Variants in PHF21B observed in about 807,000 individuals in gnomAD.
PHF21B encodes PHD finger protein 4.
In PHF21B, 22 loss-of-function variants were observed where a neutral mutation model predicts 62.2. That is an observed-to-expected ratio of 0.35 (90% CI 0.25 to 0.51). The LOEUF is 0.51. Among genes scored for constraint, PHF21B ranks in the 20% least tolerant of loss-of-function variants. The probability of loss-of-function intolerance (pLI) is 0.97; values close to 1 mark genes in which losing one functional copy is unlikely to be tolerated. For synonymous variants in PHF21B, 341 were observed against 314.7 expected (o/e 1.08, Z -0.88); for missense variants, 701 against 707.9 (o/e 0.99, Z 0.11).
chr22:44,949,288 C>G (rs1356366711), intron 2 of PHF21B, among the ~76,000 whole-genome samples: 1 of 120,056 alleles, frequency 8.3e-6, no homozygotes, highest in East Asian at 2.4e-4. Context: ...GTAACAAGAG[C>G]GAAACTCCAT....
chr22:44,911,637 C>T (rs999851464), intron 5 of PHF21B, among the ~76,000 whole-genome samples: 7 of 152,224 alleles, frequency 4.6e-5, no homozygotes, highest in Non-Finnish European at 1.0e-4. Context: ...GGTTTTGGAA[C>T]CTCTGCCTAG....
At chr22:44,948,176 G>A (rs1170714157) in intron 2 of PHF21B, among the ~76,000 whole-genome samples, 1 of 152,216 alleles carries the variant, frequency 6.6e-6, no homozygotes, top group Non-Finnish European at 1.5e-5. Context: ...TACATTTATT[G>A]TGTAGTTTAT....
intron 12 of PHF21B, among the ~76,000 whole-genome samples, chr22:44,884,044 C>CCATCACCACCACCAT (rs142141866): frequency 2.6e-5 from 1 of 38,502 alleles, no homozygotes; most frequent in Admixed American, 2.2e-4. Flanking sequence ...GTGATCAGCA[C>CCATCACCACCACCAT]CACCACCACC....
intron 2 of PHF21B, among the ~76,000 whole-genome samples, chr22:44,979,124 T>C (rs1601671588): frequency 6.6e-6 from 1 of 152,200 alleles, no homozygotes; most frequent in African/African-American, 2.4e-5. Flanking sequence ...CCCCTAAGGG[T>C]AGACCACATC....
intron 2 of PHF21B, among the ~76,000 whole-genome samples, chr22:44,940,022 C>T (rs1288681704): frequency 1.3e-5 from 2 of 152,150 alleles, no homozygotes; most frequent in Admixed American, 6.5e-5. Context: ...AAAATACAGC[C>T]AGGGGCCAGT....
intron 2 of PHF21B, among the ~76,000 whole-genome samples, chr22:44,987,249 G>A (rs1789716648): frequency 6.6e-6 from 1 of 152,128 alleles, no homozygotes; most frequent in South Asian, 2.1e-4. Flanking sequence ...AAAAAATAAT[G>A]AAAACATTGG....
intron 2 of PHF21B, chr22:45,000,668 T>C (rs545610144): frequency 2.0e-5 from 3 of 152,274 alleles, no homozygotes; most frequent in African/African-American, 7.2e-5. Context: ...AGCGGACTCT[T>C]TGGAGTGGCT....
At chr22:44,986,985 G>C (rs2072961895) in intron 2 of PHF21B, among the ~76,000 whole-genome samples, 1 of 152,224 alleles carries the variant, frequency 6.6e-6, no homozygotes, top group African/African-American at 2.4e-5. Flanking sequence ...GCTCCAAGCA[G>C]AGCAGCTTGT....
chr22:44,931,062 C>T (rs1452806977), intron 2 of PHF21B, among the ~76,000 whole-genome samples: 1 of 152,196 alleles, frequency 6.6e-6, no homozygotes, highest in Non-Finnish European at 1.5e-5. Context: ...CATTTTCTTT[C>T]TTTCTTTTCA....
intron 2 of PHF21B, among the ~76,000 whole-genome samples, chr22:44,985,789 T>C (rs1450798125): frequency 6.6e-6 from 1 of 152,078 alleles, no homozygotes; most frequent in African/African-American, 2.4e-5. Context: ...ACTGATGTTA[T>C]CACCGTAGCT....
intron 2 of PHF21B, among the ~76,000 whole-genome samples, chr22:44,967,782 C>A (rs1377580919): frequency 6.6e-6 from 1 of 152,172 alleles, no homozygotes; most frequent in Non-Finnish European, 1.5e-5. Flanking sequence ...ACGAGGATCC[C>A]ACATGACATT....
intron 6 of PHF21B, among the ~76,000 whole-genome samples, chr22:44,895,035 TGAA>T (rs749855402): frequency 2.0e-5 from 3 of 152,248 alleles, no homozygotes; most frequent in African/African-American, 7.2e-5. Context: ...CCTCTTGCTT[TGAA>T]GAAGAGGAAC....
At chr22:44,922,430 C>T (rs2071554291) in intron 2 of PHF21B, among the ~76,000 whole-genome samples, 1 of 152,148 alleles carries the variant, frequency 6.6e-6, no homozygotes, top group East Asian at 1.9e-4. Flanking sequence ...GTCAGGAGTT[C>T]AAGACCAGCC....
At chr22:45,007,015 C>T (rs1569289487) in intron 2 of PHF21B, among the ~76,000 whole-genome samples, 1 of 152,154 alleles carries the variant, frequency 6.6e-6, no homozygotes, top group Non-Finnish European at 1.5e-5. Flanking sequence ...CCCCCGCCAA[C>T]TCCCCGACTT....
At chr22:44,931,814 T>C (rs2071748929) in intron 2 of PHF21B, among the ~76,000 whole-genome samples, 1 of 152,150 alleles carries the variant, frequency 6.6e-6, no homozygotes, top group Non-Finnish European at 1.5e-5. Flanking sequence ...TCTACTCAAC[T>C]GGAAAACATA....
At chr22:44,907,756 G>C (rs1249687751) in intron 5 of PHF21B, among the ~76,000 whole-genome samples, 4 of 152,238 alleles carry the variant, frequency 2.6e-5, no homozygotes, top group Non-Finnish European at 4.4e-5. Context: ...AAACAAGGAA[G>C]AAAGGAGACA....
chr22:44,984,068 C>CCATCACCACCACCATCACCATCAT (rs2072891206), intron 2 of PHF21B, among the ~76,000 whole-genome samples: 4 of 147,746 alleles, frequency 2.7e-5, no homozygotes, highest in African/African-American at 5.0e-5. Flanking sequence ...ATCATCATCA[C>CCATCACCACCACCATCACCATCAT]CATCACCACC....
chr22:44,976,867 G>A (rs531988173), intron 2 of PHF21B, among the ~76,000 whole-genome samples: 4 of 152,332 alleles, frequency 2.6e-5, no homozygotes, highest in Admixed American at 6.5e-5. Context: ...AGGGCCGGGC[G>A]GGGGCTCACA....
chr22:44,902,395 G>A, intron 5 of PHF21B: 1 of 293,250 alleles, frequency 3.4e-6, no homozygotes, highest in Non-Finnish European at 6.8e-6. Flanking sequence ...TTGCCCTGAT[G>A]AGTGGAGTTT....
Sources: gnomAD v4.1 joint callset for allele counts (sites outside exome capture counted in the v4.1 genomes callset) on GRCh38, gnomAD v4.1.1 for gene constraint, MANE v1.5 for transcripts, NCBI Gene and HGNC (gene_info 2026-07-23, HGNC 2026-07-21) for gene names.